Variants in GRAMD1C observed in about 807,000 individuals in gnomAD.
GRAMD1C encodes the protein GRAM domain containing 1C.
A neutral mutation model predicts 97.8 loss-of-function variants in GRAMD1C; 89 were observed. The observed-to-expected ratio is 0.91, with a 90% confidence interval of 0.77 to 1.09. The LOEUF is 1.09. GRAMD1C is among the 50% of genes least tolerant of loss of function. GRAMD1C has a pLI of 0.00. For missense variants in GRAMD1C, 740 were observed against 766.4 expected, an observed-to-expected ratio of 0.97 and a Z score of 0.41; for synonymous variants, 256 against 267.0, an observed-to-expected ratio of 0.96 and a Z score of 0.40.
chr3:113,839,481 CCTT>C (rs1156905610), intron 1 of GRAMD1C, among the ~76,000 whole-genome samples: 4 of 152,296 alleles, frequency 2.6e-5, no homozygotes, highest in Admixed American at 6.5e-5. Context: ...ACACCATCCT[CCTT>C]CTACATTGGT....
chr3:113,937,643 A>T (rs1406974753), intron 14 of GRAMD1C, among the ~76,000 whole-genome samples: 1 of 152,224 alleles, frequency 6.6e-6, no homozygotes, highest in African/African-American at 2.4e-5. Flanking sequence ...TTTACCCTAA[A>T]TCACTTTGTC....
At chr3:113,917,434 G>A (rs532872997) in intron 10 of GRAMD1C, among the ~76,000 whole-genome samples, 3 of 151,714 alleles carry the variant, frequency 2.0e-5, no homozygotes, top group Admixed American at 6.6e-5. Flanking sequence ...AGCGATTCTT[G>A]TGCCTCAGCC....
chr3:113,934,606 T>C (rs1937541826), intron 13 of GRAMD1C, 71 bp downstream of exon 13: 10 of 721,600 alleles, frequency 1.4e-5, no homozygotes, highest in Non-Finnish European at 2.4e-5. Flanking sequence ...TGATTCTTCA[T>C]TTAGATTTGT....
chr3:113,861,515 C>T (rs955400276), intron 2 of GRAMD1C, among the ~76,000 whole-genome samples: 1 of 151,824 alleles, frequency 6.6e-6, no homozygotes, highest in Non-Finnish European at 1.5e-5. Context: ...GACCCCATTT[C>T]TGAAAAATAA....
Position 113,844,606 on chromosome 3 carries a change from A to T in GRAMD1C, c.131A>T (p.Gln44Leu). ...VEENNVVVKKQGPNLHNWSGD... is the reference protein window; with the variant it reads ...VEENNVVVKKLGPNLHNWSGD... ...GAGAATAATGTGGTAGTTAAAAAACAGGGGCCAAATTTACATAATTGGAGT... is the reference window on the plus strand; with the variant it reads ...GAGAATAATGTGGTAGTTAAAAAACTGGGGCCAAATTTACATAATTGGAGT... Residue 44 changes from glutamine to leucine, a missense_variant, in exon 2 of 18, where the codon CAG (glutamine) becomes CTG (leucine). Gln to Leu is a moderately radical substitution (Grantham distance 113). Coordinates refer to ENST00000358160, the MANE Select transcript of GRAMD1C (RefSeq NM_017577.5). 1 of 1,606,282 alleles carries T rather than the reference A, an allele frequency of 6.2e-7. No individual in the cohort carries two copies. Among genetic ancestry groups the T allele is most frequent in the Non-Finnish European group, 8.5e-7 (1 of 1,175,676 alleles).
intron 11 of GRAMD1C, among the ~76,000 whole-genome samples, chr3:113,932,193 A>G (rs202011983): frequency 6.6e-6 from 1 of 152,234 alleles, no homozygotes; most frequent in African/African-American, 2.4e-5. Flanking sequence ...ATCTCTTAAC[A>G]TCTGAACTAG....
chr3:113,838,831 C>G lies in GRAMD1C; in HGVS notation c.-79C>G. The G allele has an allele frequency of 9.2e-7, 1 of 1,082,492 alleles. No individual in the cohort carries two copies. The allele number at this position is 1,082,492 out of a possible 1,614,324, so 67.1% of individuals were successfully genotyped here. ...GGAGGCGCGCGGAGCCTGTAACTCG[C>G]AGCGCGCGCTGGAGGTGGGCGCGGG... On this transcript the variant is annotated 5_prime_UTR_variant, in exon 1 of 18. Coordinates refer to ENST00000358160, the MANE Select transcript of GRAMD1C (RefSeq NM_017577.5).
intron 9 of GRAMD1C, among the ~76,000 whole-genome samples, chr3:113,909,631 C>T (rs1217912414): frequency 6.6e-6 from 1 of 152,162 alleles, no homozygotes; most frequent in African/African-American, 2.4e-5. Context: ...TAAAAAAAGA[C>T]AGCTTAGCAA....
intron 6 of GRAMD1C, among the ~76,000 whole-genome samples, chr3:113,887,945 G>A (rs955091283): frequency 2.6e-5 from 4 of 152,052 alleles, no homozygotes; most frequent in African/African-American, 9.7e-5. Flanking sequence ...GACTCAAGTA[G>A]AAATAGAGAA....
intron 5 of GRAMD1C, 30 bp downstream of exon 5, chr3:113,876,290 C>T (rs773632709): frequency 2.5e-6 from 3 of 1,177,692 alleles, no homozygotes; most frequent in Admixed American, 1.8e-5. Context: ...TGTTATATTA[C>T]ATAATGTGAA....
chr3:113,943,104 C>T (rs1028247901), intron 17 of GRAMD1C, among the ~76,000 whole-genome samples: 10 of 152,000 alleles, frequency 6.6e-5, no homozygotes, highest in Non-Finnish European at 1.3e-4. Flanking sequence ...GTATTTATTC[C>T]ACTCATTCAC....
chr3:113,833,339 T>C (rs1709586892), intron 1 of GRAMD1C, among the ~76,000 whole-genome samples: 1 of 151,972 alleles, frequency 6.6e-6, no homozygotes, highest in Non-Finnish European at 1.5e-5. Context: ...GGTTTCTCCA[T>C]GTTGGTCAGG....
At chr3:113,899,862 A>G (rs1936092211) in intron 6 of GRAMD1C, among the ~76,000 whole-genome samples, 1 of 152,204 alleles carries the variant, frequency 6.6e-6, no homozygotes, top group Non-Finnish European at 1.5e-5. Context: ...TTTATTAAAG[A>G]TAAATCAAAG....
At chr3:113,848,596 G>A (rs2107324767) in intron 2 of GRAMD1C, among the ~76,000 whole-genome samples, 1 of 152,016 alleles carries the variant, frequency 6.6e-6, no homozygotes, top group Non-Finnish European at 1.5e-5. Context: ...CTTGAGGCCA[G>A]GAGTTTGAGA....
intron 6 of GRAMD1C, among the ~76,000 whole-genome samples, chr3:113,888,716 C>T (rs968516783): frequency 1.3e-5 from 2 of 152,098 alleles, no homozygotes; most frequent in Non-Finnish European, 2.9e-5. Flanking sequence ...AAAGTGGATC[C>T]CTCAAGTACA....
chr3:113,917,103 TC>T (rs1266058260), intron 10 of GRAMD1C, among the ~76,000 whole-genome samples: 5 of 152,142 alleles, frequency 3.3e-5, no homozygotes, highest in African/African-American at 1.2e-4. Context: ...GCCACTGCAC[TC>T]CAGTGCCACT....
rs143215699 is a variant in GRAMD1C, at chr3:113,930,398, A to T, written c.1091-316A>T. Among the ~76,000 whole-genome samples the T allele has an allele frequency of 1.9e-3, 286 of 152,318 alleles. 1 individual carries two copies. Among genetic ancestry groups the T allele is most frequent in the African/African-American group, 6.6e-3 (273 of 41,572 alleles). The stretch of plus-strand genomic sequence containing the variant: ...AAACCTGGCATCATTACTTCTCTTC[A>T]TAGGTACTGAGGACTTTAAAAGGAA... On this transcript the variant is annotated intron_variant, in intron 10 of 17. Transcript: ENST00000358160.
chr3:113,890,677 CA>C, intron 6 of GRAMD1C: 1 of 680,266 alleles, frequency 1.5e-6, no homozygotes, highest in Non-Finnish European at 2.7e-6. Context: ...TCTAGCAAGG[CA>C]CCAGCGACAT....
intron 2 of GRAMD1C, among the ~76,000 whole-genome samples, chr3:113,850,970 T>G (rs1050518151): frequency 1.3e-5 from 2 of 151,842 alleles, no homozygotes; most frequent in African/African-American, 4.8e-5. Context: ...GCCCGGCTAA[T>G]TTTTTGTATT....
Sources: allele counts gnomAD v4.1 joint callset (sites outside exome capture counted in the v4.1 genomes callset), GRCh38; gene constraint gnomAD v4.1.1; transcripts MANE v1.5; gene names NCBI Gene and HGNC (gene_info 2026-07-23, HGNC 2026-07-21).